Variants in GALNT10 observed in about 807,000 individuals in gnomAD.
GALNT10 encodes the protein GalNAc transferase 10.
Under a neutral mutation model 75.0 loss-of-function variants are expected in GALNT10, and 41 were observed. That is an observed-to-expected ratio of 0.55 (90% CI 0.43 to 0.71). The LOEUF (loss-of-function observed/expected upper bound fraction) is 0.71, where lower values mean the gene tolerates loss of function less well. Ranked by LOEUF, GALNT10 falls within the 30% of genes least tolerant of loss-of-function variation. The probability of loss-of-function intolerance (pLI) is 0.00; values close to 1 mark genes in which losing one functional copy is unlikely to be tolerated. For synonymous variants in GALNT10, 302 were observed against 313.0 expected (o/e 0.96, Z 0.37); for missense variants, 727 against 818.5 (o/e 0.89, Z 1.36).
intron 1 of GALNT10, among the ~76,000 whole-genome samples, chr5:154,194,048 T>C (rs1581912630): frequency 6.6e-6 from 1 of 152,204 alleles, no homozygotes; most frequent in South Asian, 2.1e-4. Context: ...TTGGTTTAAT[T>C]CAACAGTCTG....
chr5:154,214,285 A>G (rs758613647), intron 1 of GALNT10, among the ~76,000 whole-genome samples: 2 of 152,052 alleles, frequency 1.3e-5, no homozygotes, highest in Non-Finnish European at 2.9e-5. Context: ...TCCTATTGAA[A>G]ATTCAAACCT....
At chr5:154,386,274 ACATCT>A in intron 6 of GALNT10, 34 bp from the exon 7 acceptor site, 1 of 1,423,820 alleles carries the variant, frequency 7.0e-7, no homozygotes, top group Non-Finnish European at 9.9e-7. Flanking sequence ...TGTGGCCAGG[ACATCT>A]GCACCTTCAC....
At chr5:154,415,407 G>A (rs539983118) in intron 10 of GALNT10, among the ~76,000 whole-genome samples, 7 of 151,898 alleles carry the variant, frequency 4.6e-5, no homozygotes, top group South Asian at 4.2e-4. Context: ...GTGCAGTCTC[G>A]GCTCACTGCA....
intron 1 of GALNT10, among the ~76,000 whole-genome samples, chr5:154,233,837 G>A (rs1295769877): frequency 1.3e-5 from 2 of 152,330 alleles, no homozygotes; most frequent in East Asian, 1.9e-4. Flanking sequence ...TGGTGGGCAG[G>A]TAGAGGATGT....
At position 154,298,947 on chromosome 5, in the gene GALNT10, C is replaced by T. The variant is rs150352957; in HGVS notation, c.401+868C>T. On this transcript the variant is annotated intron_variant, in intron 3 of 11. Transcript: ENST00000297107. The surrounding 1 kb of genome is among the most constrained non-coding windows in gnomAD (Gnocchi z 4.1). ...CAAATAGGCTCCCTGGGGATGCTGG[C>T]GCTGCTTATCTTGGGACCACACTTT... 2.2e-3 allele frequency among the ~76,000 whole-genome samples: 333 copies of T among 152,264 alleles called. 3 individuals carry two copies. Among genetic ancestry groups the T allele is most frequent in the African/African-American group, 6.6e-3 (275 of 41,532 alleles).
intron 1 of GALNT10, among the ~76,000 whole-genome samples, chr5:154,283,994 G>T (rs908958576): frequency 1.4e-4 from 22 of 152,160 alleles, no homozygotes; most frequent in Non-Finnish European, 2.8e-4. Flanking sequence ...ACAATAGGTT[G>T]GTGATGTCTG....
chr5:154,392,503 G>A (rs972549429), intron 7 of GALNT10: 1 of 152,114 alleles, frequency 6.6e-6, no homozygotes, highest in Non-Finnish European at 1.5e-5. Context: ...TAGGACCCTG[G>A]GCCAGTTGTT....
intron 3 of GALNT10, among the ~76,000 whole-genome samples, chr5:154,318,013 C>T (rs890656169): frequency 2.3e-4 from 35 of 152,224 alleles, no homozygotes; most frequent in Non-Finnish European, 1.0e-4. Flanking sequence ...CCAGTTGTCT[C>T]AGCAAAGACT....
intron 1 of GALNT10, among the ~76,000 whole-genome samples, chr5:154,279,962 A>T (rs1003902951): frequency 3.3e-5 from 5 of 152,212 alleles, no homozygotes; most frequent in Non-Finnish European, 7.3e-5. Flanking sequence ...TGTCAAAGAG[A>T]CATCTGTACT....
intron 4 of GALNT10, among the ~76,000 whole-genome samples, chr5:154,361,285 A>G (rs1007135263): frequency 6.6e-6 from 1 of 150,628 alleles, no homozygotes; most frequent in Non-Finnish European, 1.5e-5. Context: ...TCTGGAGTCA[A>G]CCCGGCCTGG....
chr5:154,229,141 A>G (rs1366320108), intron 1 of GALNT10, among the ~76,000 whole-genome samples: 1 of 152,234 alleles, frequency 6.6e-6, no homozygotes, highest in Non-Finnish European at 1.5e-5. Flanking sequence ...GGTAAGCACT[A>G]GAGAACCAGA....
chr5:154,238,149 C>A (rs1036457423), intron 1 of GALNT10, among the ~76,000 whole-genome samples: 2 of 152,198 alleles, frequency 1.3e-5, no homozygotes, highest in African/African-American at 2.4e-5. Context: ...GCAACAGTTA[C>A]AACAACCCAA....
chr5:154,415,654 TG>T, intron 10 of GALNT10, 128 bp from the exon 11 acceptor site: 1 of 880,886 alleles, frequency 1.1e-6, no homozygotes, highest in Non-Finnish European at 1.7e-6. Flanking sequence ...TAAAGCTAGG[TG>T]GTTAGAACAG....
intron 4 of GALNT10, among the ~76,000 whole-genome samples, chr5:154,364,181 T>G (rs1362792204): frequency 2.0e-5 from 3 of 151,286 alleles, no homozygotes; most frequent in Non-Finnish European, 4.4e-5. Flanking sequence ...AGTAAAAGAG[T>G]GAAAGCAAGG....
intron 1 of GALNT10, among the ~76,000 whole-genome samples, chr5:154,193,017 G>A (rs1276285674): frequency 6.6e-6 from 1 of 152,064 alleles, no homozygotes; most frequent in East Asian, 1.9e-4. Flanking sequence ...GAGAGAGAGG[G>A]GAGCAACAGC....
chr5:154,349,965 CGTTA>C (rs1755182163), intron 4 of GALNT10, among the ~76,000 whole-genome samples: 2 of 152,294 alleles, frequency 1.3e-5, no homozygotes, highest in African/African-American at 4.8e-5. Flanking sequence ...AAAATTAAAA[CGTTA>C]GTTCCTCAGT....
At chr5:154,350,162 T>A (rs1389191726) in intron 4 of GALNT10, among the ~76,000 whole-genome samples, 1 of 152,036 alleles carries the variant, frequency 6.6e-6, no homozygotes, top group African/African-American at 2.4e-5. Context: ...TTTGTTTCTT[T>A]ACTTCTCTAA....
intron 1 of GALNT10, among the ~76,000 whole-genome samples, chr5:154,272,093 T>C (rs1240297764): frequency 6.6e-6 from 1 of 152,218 alleles, no homozygotes; most frequent in Non-Finnish European, 1.5e-5. Flanking sequence ...GAGCCTCTTC[T>C]GTCCCACCTG....
In GALNT10 at chr5:154,298,124, C is replaced by G. The variant is rs1233841484; in HGVS notation, c.401+45C>G. ...AATTCTGAGATCTAAGGATGTTTCC[C>G]TGGCTGTTGTTGAGAATTAATTAAG... On this transcript the variant is annotated intron_variant, in intron 3 of 11. Transcript: ENST00000297107. The surrounding 1 kb of genome is among the most constrained non-coding windows in gnomAD (Gnocchi z 4.1). The G allele has an allele frequency of 6.3e-7, 1 of 1,575,518 alleles. No homozygotes were observed. The highest frequency in any genetic ancestry group is 1.1e-5 in the South Asian group (1 of 88,436).
Sources: allele counts gnomAD v4.1 joint callset (sites outside exome capture counted in the v4.1 genomes callset), GRCh38; gene constraint gnomAD v4.1.1; non-coding constraint Gnocchi (gnomAD v3.1); transcripts MANE v1.5; gene names NCBI Gene and HGNC (gene_info 2026-07-23, HGNC 2026-07-21).